The following MSI2 variants were observed in gnomAD, a reference collection of about 807,000 sequenced individuals.
MSI2 encodes musashi RNA binding protein 2.
MSI2 carries 17 observed loss-of-function variants against 45.6 expected under a neutral mutation model. The ratio of observed to expected loss-of-function variants is 0.37; its 90% CI spans 0.26 to 0.56. The LOEUF is 0.56. Among genes scored for constraint, MSI2 ranks in the 20% least tolerant of loss-of-function variants. The pLI is 0.77. For missense variants in MSI2, 293 were observed against 444.2 expected, an observed-to-expected ratio of 0.66 and a Z score of 3.06; for synonymous variants, 156 against 158.2, an observed-to-expected ratio of 0.99 and a Z score of 0.11.
intron 8 of MSI2, among the ~76,000 whole-genome samples, chr17:57,608,073 A>G (rs555580148): frequency 6.6e-6 from 1 of 152,360 alleles, no homozygotes; most frequent in Non-Finnish European, 1.5e-5. Context: ...GCAAAGGAGC[A>G]GAAGGGCTTG....
At chr17:57,533,402 A>G (rs1311032698) in intron 7 of MSI2, among the ~76,000 whole-genome samples, 1 of 152,216 alleles carries the variant, frequency 6.6e-6, no homozygotes, top group African/African-American at 2.4e-5. Context: ...GCCTTCCTCC[A>G]GCTTCTGCTG....
intron 5 of MSI2, among the ~76,000 whole-genome samples, chr17:57,378,264 G>A (rs542183127): frequency 1.3e-5 from 2 of 151,564 alleles, no homozygotes; most frequent in East Asian, 3.9e-4. Context: ...TTTGTTTTTT[G>A]TTTTTATTAT....
At chr17:57,507,655 C>G (rs1245078186) in intron 6 of MSI2, among the ~76,000 whole-genome samples, 13 of 152,148 alleles carry the variant, frequency 8.5e-5, no homozygotes, top group Non-Finnish European at 7.4e-5. Context: ...TCCCCACCCC[C>G]CTGACCCCCG....
rs561716898 is a variant in MSI2, at chr17:57,538,708, C to G, written c.454+8984C>G. On this transcript the variant is annotated intron_variant, in intron 7 of 13. Coordinates refer to ENST00000284073, the MANE Select transcript of MSI2 (RefSeq NM_138962.4). ...GGGACCCTAGTCTTGAAAAATAAAA[C>G]CCTTTCGTGGTTGTTTTTTCCTCTG... is the stretch of plus-strand genomic sequence containing the variant. 2.6e-5 allele frequency among the ~76,000 whole-genome samples: 4 copies of G among 152,274 alleles called. No individual in the cohort carries two copies. In the East Asian group the frequency reaches 5.8e-4, roughly 22 times the overall value.
chr17:57,683,817 C>G lies in MSI2; in HGVS notation c.*4300C>G, dbSNP rs1243208989. ...GGGTTTCCCCACCCTCACCCCAAAG[C>G]AGAAAACTAGCAGACGTCAGCTCAG... On this transcript the variant is annotated 3_prime_UTR_variant, in exon 14 of 14. Transcript: ENST00000284073. This position sits in a 1 kb window ranked among gnomAD's most constrained non-coding sequence, Gnocchi z 5.2. 1 of 232,328 alleles carries G rather than the reference C, an allele frequency of 4.3e-6. No homozygotes were observed. Among genetic ancestry groups the G allele is most frequent in the Non-Finnish European group, 8.5e-6 (1 of 117,636 alleles). The allele number at this position is 232,328 out of a possible 1,614,324, so 14.4% of individuals were successfully genotyped here. A position where few individuals can be genotyped will look rare whatever the true frequency, so the allele number is the denominator to read the frequency against.
chr17:57,533,034 A>G (rs909082735), intron 7 of MSI2, among the ~76,000 whole-genome samples: 1 of 152,174 alleles, frequency 6.6e-6, no homozygotes, highest in African/African-American at 2.4e-5. Context: ...CAGGTGGGCC[A>G]GGCTCCCAGG....
At chr17:57,587,916 A>C (rs1287989700) in intron 7 of MSI2, among the ~76,000 whole-genome samples, 1 of 152,074 alleles carries the variant, frequency 6.6e-6, no homozygotes, top group African/African-American at 2.4e-5. Context: ...ACATTCCTTC[A>C]TTTTCTGGAA....
intron 10 of MSI2, among the ~76,000 whole-genome samples, chr17:57,635,174 C>T (rs902435553): frequency 6.6e-6 from 1 of 151,876 alleles, no homozygotes; most frequent in Non-Finnish European, 1.5e-5. Context: ...AGGGAGCTTG[C>T]AGAAGCATCT....
chr17:57,486,139 A>G (rs2143777355), intron 6 of MSI2, among the ~76,000 whole-genome samples: 1 of 152,360 alleles, frequency 6.6e-6, no homozygotes, highest in Non-Finnish European at 1.5e-5. Flanking sequence ...CACCCACGTG[A>G]GTAGAAGCAG....
rs575507414 is a variant in MSI2, at chr17:57,362,534, G to A, written c.313-38845G>A. Among the ~76,000 whole-genome samples, 17 of 152,246 alleles carry A rather than the reference G, an allele frequency of 1.1e-4. No homozygotes were observed. The East Asian group carries it at 2.3e-3, about 21-fold the overall frequency. On this transcript the variant is annotated intron_variant, in intron 5 of 13. Transcript: ENST00000284073. Reference sequence around the variant, plus strand: ...TGCTAAGTGGCTGTTGTAATGATCCGTCAACTGTTGCAACAGCATTTTCTA... The same window carrying A: ...TGCTAAGTGGCTGTTGTAATGATCCATCAACTGTTGCAACAGCATTTTCTA...
At chr17:57,463,688 G>T (rs578242977) in intron 6 of MSI2, among the ~76,000 whole-genome samples, 3 of 152,234 alleles carry the variant, frequency 2.0e-5, no homozygotes, top group Admixed American at 2.0e-4. Context: ...CATCCATTCA[G>T]CAGTGTGAAC....
intron 5 of MSI2, among the ~76,000 whole-genome samples, chr17:57,329,537 A>G (rs1914077909): frequency 6.6e-6 from 1 of 152,184 alleles, no homozygotes; most frequent in African/African-American, 2.4e-5. Flanking sequence ...CCAGAAACTC[A>G]TAGTGGGGTT....
Position 57,257,448 on chromosome 17 carries a change from C to T in MSI2, c.104-18C>T. On this transcript the variant is annotated intron_variant, in intron 2 of 13. Coordinates refer to ENST00000284073, the MANE Select transcript of MSI2 (RefSeq NM_138962.4). ...CACCTTCTCTCCCCCCCCCATCTCT[C>T]TCTTTCTCTCTCTACAGATAGCCTT... 1 of 1,268,804 alleles carries T rather than the reference C, an allele frequency of 7.9e-7. No individual in the cohort carries two copies. The highest frequency in any genetic ancestry group is 1.1e-6 in the Non-Finnish European group (1 of 890,736). The allele number at this position is 1,268,804 out of a possible 1,614,324, so 78.6% of individuals were successfully genotyped here. A position where few individuals can be genotyped will look rare whatever the true frequency, so the allele number is the denominator to read the frequency against.
At chr17:57,451,328 C>T (rs2085015290) in intron 6 of MSI2, among the ~76,000 whole-genome samples, 1 of 152,160 alleles carries the variant, frequency 6.6e-6, no homozygotes, top group Admixed American at 6.5e-5. Context: ...TCGGAGAAGC[C>T]ACCCCCTCCT....
chr17:57,446,724 G>A (rs189640133), intron 6 of MSI2, among the ~76,000 whole-genome samples: 7 of 152,304 alleles, frequency 4.6e-5, no homozygotes, highest in East Asian at 1.9e-4. Flanking sequence ...CTCCATCTGG[G>A]AATAAAAAGC....
At position 57,308,827 on chromosome 17, in the gene MSI2, T is replaced by G. The variant is rs61178848; in HGVS notation, c.312+46635T>G. Among the ~76,000 whole-genome samples, 637 of 152,284 alleles carry G rather than the reference T, an allele frequency of 4.2e-3. 4 individuals are homozygous for G. The highest frequency in any genetic ancestry group is 0.014 in the African/African-American group (601 of 41,560). On this transcript the variant is annotated intron_variant, in intron 5 of 13. Transcript: ENST00000284073. ...CACGTTGTCCTTGAGGAGGAGCTGT[T>G]TTTCCTGGTGAGTTTTATTGTTCAT...
At chr17:57,597,494 G>A (rs1324287080) in intron 8 of MSI2, among the ~76,000 whole-genome samples, 3 of 76,162 alleles carry the variant, frequency 3.9e-5, no homozygotes, top group Non-Finnish European at 5.3e-5. Flanking sequence ...AAAAAAATTA[G>A]CTGGGTGCAG....
At chr17:57,316,005 A>G (rs1253021154) in intron 5 of MSI2, among the ~76,000 whole-genome samples, 1 of 152,042 alleles carries the variant, frequency 6.6e-6, no homozygotes, top group African/African-American at 2.4e-5. Context: ...CACATTTGTC[A>G]TCATCATCAT....
intron 8 of MSI2, among the ~76,000 whole-genome samples, chr17:57,606,956 G>A (rs1433491701): frequency 2.0e-5 from 3 of 151,962 alleles, no homozygotes; most frequent in African/African-American, 7.3e-5. Flanking sequence ...GAAGCTGGGG[G>A]TCTATGATTG....
Sources: allele counts gnomAD v4.1 joint callset (sites outside exome capture counted in the v4.1 genomes callset), GRCh38; gene constraint gnomAD v4.1.1; non-coding constraint Gnocchi (gnomAD v3.1); transcripts MANE v1.5; gene names NCBI Gene and HGNC (gene_info 2026-07-23, HGNC 2026-07-21).